The following NIPBL variants were observed in gnomAD, a reference collection of about 807,000 sequenced individuals.
NIPBL encodes the protein nipped-B-like protein.
A neutral mutation model predicts 321.8 loss-of-function variants in NIPBL; 19 were observed. The ratio of observed to expected loss-of-function variants is 0.06; its 90% CI spans 0.04 to 0.09. The LOEUF is 0.09. Among genes scored for constraint, NIPBL ranks in the 10% least tolerant of loss-of-function variants. The pLI is 1.00. For missense variants in NIPBL, 2,210 were observed against 3,327.0 expected (o/e 0.66, Z 8.26); for synonymous variants, 1,106 against 1,114.1 (o/e 0.99, Z 0.14).
chr5:37,053,796 T>C (rs1288027433), intron 42 of NIPBL, among the ~76,000 whole-genome samples: 1 of 152,252 alleles, frequency 6.6e-6, no homozygotes, highest in Non-Finnish European at 1.5e-5. Flanking sequence ...GCATCTGCTA[T>C]GTACCAGCCA....
chr5:37,032,497 C>T (rs1288397611), intron 32 of NIPBL, among the ~76,000 whole-genome samples: 1 of 151,286 alleles, frequency 6.6e-6, no homozygotes, highest in African/African-American at 2.4e-5. Flanking sequence ...GAGCCAGGCT[C>T]AGTAGCTTGC....
intron 6 of NIPBL, among the ~76,000 whole-genome samples, chr5:36,970,109 G>A (rs1184355408): frequency 6.6e-6 from 1 of 152,018 alleles, no homozygotes; most frequent in African/African-American, 2.4e-5. Flanking sequence ...TTTACACCAG[G>A]CACAGTGGCT....
chr5:37,044,495 CT>C lies in NIPBL; in HGVS notation c.6249+9del. 6.2e-7 allele frequency: 1 copy of C among 1,613,036 alleles called. No individual in the cohort carries two copies. Among genetic ancestry groups the C allele is most frequent in the East Asian group, 2.2e-5 (1 of 44,832 alleles). On this transcript the variant is annotated intron_variant, in intron 35 of 46. Transcript: ENST00000282516. ...ATCAAATATGGCATGACTGTAAGCACTCAGTTTACCATTTCTTTATTCATTA... is the reference window on the plus strand; with the variant it reads ...ATCAAATATGGCATGACTGTAAGCACCAGTTTACCATTTCTTTATTCATTA...
chr5:37,013,634 A>G (rs1748529005), intron 21 of NIPBL, among the ~76,000 whole-genome samples: 1 of 151,436 alleles, frequency 6.6e-6, no homozygotes, highest in Admixed American at 6.6e-5. Context: ...GACGCTCCTC[A>G]CTTCCCAGAT....
Position 36,885,935 on chromosome 5 carries a change from C to G in NIPBL, c.-80+8757C>G, listed in dbSNP as rs1745868604. The G allele has an allele frequency of 1.4e-5, 10 of 736,714 alleles. No individual in the cohort carries two copies. In the South Asian group the frequency reaches 1.4e-4, roughly 10 times the overall value. The allele number at this position is 736,714 out of a possible 1,614,324, so 45.6% of individuals were successfully genotyped here. A position where few individuals can be genotyped will look rare whatever the true frequency, so the allele number is the denominator to read the frequency against. ...GGTAGATGCTCCCAAATCTCAGGACCTCGCCAAGATCATGGCAGACATACA... is the reference window on the plus strand; with the variant it reads ...GGTAGATGCTCCCAAATCTCAGGACGTCGCCAAGATCATGGCAGACATACA... On this transcript the variant is annotated intron_variant, in intron 1 of 46. Coordinates refer to ENST00000282516, the MANE Select transcript of NIPBL (RefSeq NM_133433.4).
chr5:37,043,577 C>T (rs1023169001), intron 34 of NIPBL, among the ~76,000 whole-genome samples: 3 of 151,886 alleles, frequency 2.0e-5, no homozygotes, highest in Non-Finnish European at 4.4e-5. Context: ...TATTATGCGC[C>T]TGTAGTCCTA....
At chr5:37,035,184 G>A (rs545693577) in intron 32 of NIPBL, among the ~76,000 whole-genome samples, 1 of 152,338 alleles carries the variant, frequency 6.6e-6, no homozygotes, top group African/African-American at 2.4e-5. Flanking sequence ...AGCTGTGTGG[G>A]AGGCTGAGCC....
chr5:36,946,543 A>AGT (rs551130099), intron 1 of NIPBL, among the ~76,000 whole-genome samples: 94 of 150,838 alleles, frequency 6.2e-4, no homozygotes, highest in East Asian at 3.3e-3. Flanking sequence ...GCTCAAAAAC[A>AGT]GTGTGTGTGT....
Position 36,985,252 on chromosome 5 carries a change from G to A in NIPBL, c.2072G>A (p.Gly691Asp), listed in dbSNP as rs752248884. The change falls in exon 10 of 47, where the codon GGC (glycine) becomes GAC (aspartate). Residue 691 changes from glycine to aspartate, a missense_variant. By Grantham distance (94) the Gly-to-Asp change is moderately conservative. Transcript: ENST00000282516. Reference protein sequence around the residue: ...TKPNDNKQNNGRSETTKSRPE... With the variant: ...TKPNDNKQNNDRSETTKSRPE... ...CCAAATGACAACAAACAAAATAATG[G>A]CAGATCAGAAACAACAAAATCAAGG... 6.2e-7 allele frequency: 1 copy of A among 1,613,664 alleles called. No individual in the cohort carries two copies. The highest frequency in any genetic ancestry group is 1.1e-5 in the South Asian group (1 of 91,072).
chr5:36,930,710 G>A (rs868760649), intron 1 of NIPBL, among the ~76,000 whole-genome samples: 1 of 152,006 alleles, frequency 6.6e-6, no homozygotes, highest in Non-Finnish European at 1.5e-5. Flanking sequence ...TTGAAGAAGA[G>A]CCTTTTTATT....
At chr5:37,045,703 G>C in intron 37 of NIPBL, 106 bp downstream of exon 37, 1 of 1,199,218 alleles carries the variant, frequency 8.3e-7, no homozygotes. Context: ...AGAGTAGTCT[G>C]GTTTAATGAA....
intron 21 of NIPBL, among the ~76,000 whole-genome samples, 194 bp from the exon 22 acceptor site, chr5:37,014,489 T>G (rs1368226854): frequency 6.6e-6 from 1 of 152,184 alleles, no homozygotes; most frequent in Non-Finnish European, 1.5e-5. Context: ...TCTATCTGTA[T>G]TTTTATTTGT....
chr5:37,065,849 G>A lies in NIPBL; in HGVS notation c.*957G>A. On this transcript the variant is annotated 3_prime_UTR_variant, in exon 47 of 47. Transcript: ENST00000282516. The stretch of plus-strand genomic sequence containing the variant: ...TTGTATGCTTCAATTTCTTTCTAGT[G>A]ATGTCATGATGCTGATATTTATTCT... The A allele has an allele frequency of 6.6e-6, 1 of 152,544 alleles. No homozygotes were observed. Among genetic ancestry groups the A allele is most frequent in the East Asian group, 1.9e-4 (1 of 5,192 alleles). 9.4% of individuals were successfully genotyped at this position (152,544 alleles called of 1,614,324 possible).
intron 8 of NIPBL, among the ~76,000 whole-genome samples, chr5:36,973,399 C>T (rs983252264): frequency 4.6e-5 from 7 of 151,162 alleles, no homozygotes; most frequent in African/African-American, 1.5e-4. Context: ...GCAGAATGTG[C>T]AGGTTTGTTA....
At chr5:37,057,874 TA>T (rs1370547966) in intron 43 of NIPBL, among the ~76,000 whole-genome samples, 1 of 152,206 alleles carries the variant, frequency 6.6e-6, no homozygotes, top group Non-Finnish European at 1.5e-5. Flanking sequence ...TATTTAATTA[TA>T]AAAGTACCTG....
chr5:37,010,375 G>A (rs1180904741), intron 21 of NIPBL, 150 bp downstream of exon 21: 17 of 604,548 alleles, frequency 2.8e-5, no homozygotes, highest in South Asian at 1.5e-4. Context: ...GAGTGCAGTG[G>A]CGCGATCTCG....
chr5:36,990,028 C>A (rs1580409783), intron 10 of NIPBL, among the ~76,000 whole-genome samples: 1 of 151,862 alleles, frequency 6.6e-6, no homozygotes, highest in Non-Finnish European at 1.5e-5. Context: ...TCTCCCCCTA[C>A]TTCTTTCCAA....
intron 1 of NIPBL, among the ~76,000 whole-genome samples, chr5:36,901,322 A>G (rs1445799568): frequency 6.6e-6 from 1 of 152,116 alleles, no homozygotes; most frequent in Non-Finnish European, 1.5e-5. Flanking sequence ...TATATGTACC[A>G]TATTTTCTTT....
At chr5:37,033,178 C>T (rs979674554) in intron 32 of NIPBL, among the ~76,000 whole-genome samples, 1 of 151,902 alleles carries the variant, frequency 6.6e-6, no homozygotes. Flanking sequence ...AACTACAAAA[C>T]CTAAAATGAA....
Sources: allele counts gnomAD v4.1 joint callset (sites outside exome capture counted in the v4.1 genomes callset), GRCh38; gene constraint gnomAD v4.1.1; transcripts MANE v1.5; gene names NCBI Gene and HGNC (gene_info 2026-07-23, HGNC 2026-07-21).